The following TXLNB variants were observed in gnomAD, a reference collection of about 807,000 sequenced individuals.
TXLNB encodes the protein beta-taxilin.
TXLNB carries 37 observed loss-of-function variants against 57.4 expected under a neutral mutation model. The observed-to-expected ratio is 0.64, with a 90% confidence interval of 0.50 to 0.85. The LOEUF (loss-of-function observed/expected upper bound fraction) is 0.85. TXLNB is among the 40% of genes least tolerant of loss of function. TXLNB has a pLI of 0.00. For missense variants in TXLNB, 848 were observed against 825.6 expected (o/e 1.03, Z -0.33); for synonymous variants, 302 against 309.6 (o/e 0.98, Z 0.26).
chr6:139,251,023 T>A (rs1353208021), intron 7 of TXLNB, among the ~76,000 whole-genome samples: 1 of 152,240 alleles, frequency 6.6e-6, no homozygotes, highest in Non-Finnish European at 1.5e-5. Context: ...GGGCAGATTT[T>A]GTTTCCTTTT....
the TXLNB span, among the ~76,000 whole-genome samples, chr6:139,201,009 C>A: frequency 6.6e-6 from 1 of 152,248 alleles, no homozygotes; most frequent in East Asian, 1.9e-4. Flanking sequence ...TTCTTCCTGG[C>A]AGCTTTTATA....
chr6:139,285,294 A>G (rs1201392769), intron 2 of TXLNB, among the ~76,000 whole-genome samples: 4 of 136,436 alleles, frequency 2.9e-5, no homozygotes, highest in Non-Finnish European at 6.2e-5. Context: ...ACACACACAC[A>G]CACACACACA....
intron 4 of TXLNB, among the ~76,000 whole-genome samples, chr6:139,263,122 C>T (rs1776529200): frequency 6.6e-6 from 1 of 152,170 alleles, no homozygotes. Context: ...AAAAAGGCCA[C>T]TTGAGTTTAC....
At chr6:139,237,916 C>A (rs1775854464), downstream of TXLNB, among the ~76,000 whole-genome samples, 1 of 152,084 alleles carries the variant, frequency 6.6e-6, no homozygotes, top group Admixed American at 6.6e-5. Flanking sequence ...AATAATTTAT[C>A]CTTTTTGTTA....
chr6:139,182,400 GAAA>G, the TXLNB span, among the ~76,000 whole-genome samples: 3 of 152,130 alleles, frequency 2.0e-5, no homozygotes, highest in Non-Finnish European at 4.4e-5. Context: ...AAAAGTTGCA[GAAA>G]AAAGAAGTTA....
the TXLNB span, among the ~76,000 whole-genome samples, chr6:139,209,243 G>A: frequency 1.3e-5 from 2 of 152,080 alleles, no homozygotes; most frequent in Non-Finnish European, 2.9e-5. Flanking sequence ...ACCTAATCAA[G>A]GAGGTGAAAG....
intron 5 of TXLNB, among the ~76,000 whole-genome samples, chr6:139,262,067 C>A (rs1275944461): frequency 6.7e-6 from 1 of 149,920 alleles, no homozygotes; most frequent in African/African-American, 2.5e-5. Flanking sequence ...CCACGCCTGG[C>A]TAATTTTTTT....
At chr6:139,304,097 A>T in the TXLNB span, among the ~76,000 whole-genome samples, 4 of 152,214 alleles carry the variant, frequency 2.6e-5, no homozygotes, top group African/African-American at 9.6e-5. Flanking sequence ...ACTGAAATCT[A>T]TTAAACAGCT....
In TXLNB at chr6:139,291,171, G is replaced by A. The variant is rs76917737; in HGVS notation, c.-15+750C>T. ...ACACACGGCACCTGCTGTCCAGCCA[G>A]AAGTTATTTTAAGCTATTCTAAAAT... On this transcript the variant is annotated intron_variant, in intron 1 of 9. Transcript: ENST00000358430. Among the ~76,000 whole-genome samples the A allele has an allele frequency of 6.3e-3, 959 of 152,296 alleles. 12 individuals are homozygous for A. The highest frequency in any genetic ancestry group is 6.3e-3 in the Non-Finnish European group (426 of 68,020).
intron 6 of TXLNB, among the ~76,000 whole-genome samples, chr6:139,256,531 T>G (rs1403098394): frequency 6.6e-6 from 1 of 152,244 alleles, no homozygotes; most frequent in Non-Finnish European, 1.5e-5. Flanking sequence ...GGTTTTGCCA[T>G]GTTGGCCAGG....
intron 3 of TXLNB, among the ~76,000 whole-genome samples, chr6:139,272,396 A>C (rs889899309): frequency 2.0e-5 from 3 of 152,178 alleles, no homozygotes; most frequent in African/African-American, 7.2e-5. Context: ...TTCACATTTT[A>C]TTTCTTTCCT....
At chr6:139,194,972 A>G in the TXLNB span, among the ~76,000 whole-genome samples, 1 of 152,242 alleles carries the variant, frequency 6.6e-6, no homozygotes, top group Non-Finnish European at 1.5e-5. Flanking sequence ...GCTTAAAACA[A>G]CACAAATTTA....
At chr6:139,216,066 C>T in the TXLNB span, among the ~76,000 whole-genome samples, 5 of 152,204 alleles carry the variant, frequency 3.3e-5, no homozygotes, top group South Asian at 2.1e-4. Flanking sequence ...GTCAGTGTGG[C>T]GATTCCTCAG....
chr6:139,296,812 C>G (rs1777397347), upstream of TXLNB, among the ~76,000 whole-genome samples: 1 of 152,090 alleles, frequency 6.6e-6, no homozygotes, highest in Non-Finnish European at 1.5e-5. Context: ...ACTTGGAAGA[C>G]AGGGGCGGGC....
At chr6:139,173,159 A>G in the TXLNB span, among the ~76,000 whole-genome samples, 1 of 152,136 alleles carries the variant, frequency 6.6e-6, no homozygotes, top group Non-Finnish European at 1.5e-5. Flanking sequence ...TTTTATTTTC[A>G]ATGCCGTAGA....
chr6:139,259,154 C>T (rs1776418565), intron 6 of TXLNB, among the ~76,000 whole-genome samples: 1 of 152,174 alleles, frequency 6.6e-6, no homozygotes, highest in Admixed American at 6.5e-5. Flanking sequence ...CATATTTCAT[C>T]TGATTGCTAT....
downstream of TXLNB, chr6:139,237,507 TAA>T (rs58158274): frequency 2.8e-4 from 22 of 77,546 alleles, no homozygotes; most frequent in Admixed American, 1.6e-3. Context: ...AGACTCCATC[TAA>T]AAAAAAAAAA....
the TXLNB span, among the ~76,000 whole-genome samples, chr6:139,171,676 G>A: frequency 6.6e-6 from 1 of 151,904 alleles, no homozygotes; most frequent in Non-Finnish European, 1.5e-5. Context: ...CTGGCTGGCT[G>A]GAAAGCAGCG....
intron 1 of TXLNB, among the ~76,000 whole-genome samples, chr6:139,289,724 T>G (rs1018305256): frequency 6.6e-6 from 1 of 152,228 alleles, no homozygotes; most frequent in African/African-American, 2.4e-5. Flanking sequence ...ACCATTTTCC[T>G]GTATAATTCT....
Sources: gnomAD v4.1 joint callset for allele counts (sites outside exome capture counted in the v4.1 genomes callset) on GRCh38, gnomAD v4.1.1 for gene constraint, MANE v1.5 for transcripts, NCBI Gene and HGNC (gene_info 2026-07-23, HGNC 2026-07-21) for gene names.